BMPR1A: variants seen among roughly 807,000 people sequenced by gnomAD.
BMPR1A encodes the protein bone morphogenetic protein receptor type-1A.
Under a neutral mutation model 66.0 loss-of-function variants are expected in BMPR1A, and 7 were observed. That is an observed-to-expected ratio of 0.11 (90% CI 0.06 to 0.20). The LOEUF is 0.20. Among genes scored for constraint, BMPR1A ranks in the 10% least tolerant of loss-of-function variants. The pLI is 1.00. For missense variants in BMPR1A, 408 were observed against 669.1 expected (o/e 0.61, Z 4.31); for synonymous variants, 200 against 229.7 (o/e 0.87, Z 1.17).
chr10:86,771,069 A>ATACTATTT (rs1286715454), intron 1 of BMPR1A, among the ~76,000 whole-genome samples: 1 of 152,204 alleles, frequency 6.6e-6, no homozygotes, highest in Admixed American at 6.5e-5. Flanking sequence ...CTGATTCTCA[A>ATACTATTT]TACTATTTTA....
rs1024357730 is a variant in BMPR1A at position 86,822,824 on chromosome 10, T to G, written c.-267-16041T>G. Among the ~76,000 whole-genome samples, 8 of 151,910 alleles carry G rather than the reference T, an allele frequency of 5.3e-5. 1 individual carries two copies. Among genetic ancestry groups the G allele is most frequent in the Admixed American group, 5.3e-4 (8 of 15,232 alleles). On this transcript the variant is annotated intron_variant, in intron 1 of 12. Transcript: ENST00000372037. Reference sequence around the variant, plus strand: ...TTTGTATTTTTAGTAGAGATGGAGTTTCACCATGTTGGCCAGGCTGGTCTC... The same window carrying G: ...TTTGTATTTTTAGTAGAGATGGAGTGTCACCATGTTGGCCAGGCTGGTCTC...
At chr10:86,759,363 A>G (rs1212368897) in intron 1 of BMPR1A, among the ~76,000 whole-genome samples, 1 of 152,154 alleles carries the variant, frequency 6.6e-6, no homozygotes, top group Admixed American at 6.5e-5. Flanking sequence ...CTGTTGGAAT[A>G]ATTCTCAATT....
intron 1 of BMPR1A, among the ~76,000 whole-genome samples, chr10:86,801,695 C>T: frequency 6.6e-6 from 1 of 151,926 alleles, no homozygotes; most frequent in East Asian, 1.9e-4. Context: ...CCTTCACCTT[C>T]TTTCAACTGT....
At chr10:86,830,512 A>AT (rs1222719148) in intron 1 of BMPR1A, among the ~76,000 whole-genome samples, 8 of 151,986 alleles carry the variant, frequency 5.3e-5, no homozygotes, top group Non-Finnish European at 8.8e-5. Flanking sequence ...TGTTGTCACT[A>AT]TTTTTTTATT....
downstream of BMPR1A, chr10:86,931,488 C>T (rs1292843659): frequency 1.3e-5 from 2 of 150,906 alleles, no homozygotes; most frequent in Admixed American, 6.6e-5. Flanking sequence ...AAGACCTACA[C>T]TGCTGTGGGA....
intron 5 of BMPR1A, among the ~76,000 whole-genome samples, chr10:86,899,490 C>T (rs1843274448): frequency 6.6e-6 from 1 of 152,202 alleles, no homozygotes; most frequent in Admixed American, 6.5e-5. Context: ...TCATCCACAT[C>T]TCAGTACCAC....
At chr10:86,882,269 G>T (rs1377176271) in intron 3 of BMPR1A, among the ~76,000 whole-genome samples, 1 of 150,952 alleles carries the variant, frequency 6.6e-6, no homozygotes, top group Non-Finnish European at 1.5e-5. Flanking sequence ...CTAAAAATAC[G>T]AAAATTAGCC....
intron 7 of BMPR1A, among the ~76,000 whole-genome samples, chr10:86,905,891 A>G (rs1234336411): frequency 6.6e-6 from 1 of 152,144 alleles, no homozygotes; most frequent in East Asian, 1.9e-4. Context: ...GAAGCTGCCA[A>G]TCAGCTTTTA....
At chr10:86,847,020 A>G (rs1842495089) in intron 2 of BMPR1A, among the ~76,000 whole-genome samples, 1 of 151,604 alleles carries the variant, frequency 6.6e-6, no homozygotes, top group African/African-American at 2.4e-5. Context: ...GCTCTCTGCT[A>G]ATTTTTGTAT....
At chr10:86,768,402 G>A (rs1000055855) in intron 1 of BMPR1A, among the ~76,000 whole-genome samples, 2 of 151,744 alleles carry the variant, frequency 1.3e-5, no homozygotes, top group South Asian at 2.1e-4. Flanking sequence ...TGTTCCTATC[G>A]TAGTAATGCT....
intron 1 of BMPR1A, among the ~76,000 whole-genome samples, chr10:86,799,498 CTTCCTTCCTTTCT>C (rs751974488): frequency 0.065 from 7,436 of 114,812 alleles, 225 homozygotes; most frequent in East Asian, 0.13. Context: ...TCCTTCCTTC[CTTCCTTCCTTTCT>C]TTTCTTTTCT....
intron 2 of BMPR1A, among the ~76,000 whole-genome samples, chr10:86,860,769 CAA>C (rs772036957): frequency 1.9e-4 from 15 of 79,690 alleles, no homozygotes; most frequent in Admixed American, 5.4e-4. Flanking sequence ...GACTCCATAT[CAA>C]AAAAAAAAAA....
chr10:86,803,004 C>CAAAAAA (rs59957238), intron 1 of BMPR1A, among the ~76,000 whole-genome samples: 6 of 75,948 alleles, frequency 7.9e-5, no homozygotes, highest in Non-Finnish European at 1.3e-4. Flanking sequence ...GACCCGGTCT[C>CAAAAAA]AAAAAAAAAA....
chr10:86,810,056 C>T (rs1007253461), intron 1 of BMPR1A, among the ~76,000 whole-genome samples: 6 of 151,938 alleles, frequency 3.9e-5, no homozygotes, highest in Non-Finnish European at 2.9e-5. Flanking sequence ...CTGCAACCTC[C>T]GCCTCCCGGG....
rs1310807915 is a variant in BMPR1A at position 86,899,824 on chromosome 10, A to G, written c.364A>G (p.Ile122Val). 1 of 1,614,058 alleles carries G rather than the reference A, an allele frequency of 6.2e-7. No individual in the cohort carries two copies. The highest frequency in any genetic ancestry group is 1.3e-5 in the African/African-American group (1 of 74,936). Residue 122 changes from isoleucine to valine, a missense_variant, in exon 6 of 13, where the codon ATA becomes GTA. Physicochemically the swap from Ile to Val is conservative, Grantham distance 29. Coordinates refer to ENST00000372037, the MANE Select transcript of BMPR1A (RefSeq NM_004329.3). ...TCCAAAAGCCCAGCTACGCCGGACA[A>G]TAGAATGTTGTCGGACCAATTTATG... ...DSPKAQLRRTIECCRTNLCNQ... is the reference protein window; with the variant it reads ...DSPKAQLRRTVECCRTNLCNQ...
chr10:86,923,786 T>G lies in BMPR1A; in HGVS notation c.*67T>G, dbSNP rs560698193. On this transcript the variant is annotated 3_prime_UTR_variant, in exon 13 of 13. Coordinates refer to ENST00000372037, the MANE Select transcript of BMPR1A (RefSeq NM_004329.3). Reference sequence around the variant, plus strand: ...GTTTTTACCCATGGCATGGGTGGAATTAGAGTGGAATAAGGATGTTAACTT... The same window carrying G: ...GTTTTTACCCATGGCATGGGTGGAAGTAGAGTGGAATAAGGATGTTAACTT... 1.2e-4 allele frequency: 182 copies of G among 1,573,066 alleles called. No individual in the cohort carries two copies. The highest frequency in any genetic ancestry group is 1.5e-4 in the Non-Finnish European group (174 of 1,145,070).
At chr10:86,811,130 C>T (rs1312654682) in intron 1 of BMPR1A, among the ~76,000 whole-genome samples, 1 of 152,158 alleles carries the variant, frequency 6.6e-6, no homozygotes, top group Non-Finnish European at 1.5e-5. Flanking sequence ...CATCTGGCTC[C>T]CGGGTTCAAG....
chr10:86,860,640 T>C (rs1037809006), intron 2 of BMPR1A, among the ~76,000 whole-genome samples: 2 of 151,618 alleles, frequency 1.3e-5, no homozygotes, highest in Middle Eastern at 3.2e-3. Context: ...TGTGGTGGCA[T>C]GTGCCTGTAG....
At chr10:86,797,063 CTTTTCTTTTT>C (rs1564688085) in intron 1 of BMPR1A, among the ~76,000 whole-genome samples, 1 of 113,976 alleles carries the variant, frequency 8.8e-6, no homozygotes, top group Non-Finnish European at 1.8e-5. Flanking sequence ...TTTTTCTTTT[CTTTTCTTTTT>C]TTTTTTTTTT....
Sources: allele counts gnomAD v4.1 joint callset (sites outside exome capture counted in the v4.1 genomes callset), GRCh38; gene constraint gnomAD v4.1.1; transcripts MANE v1.5; gene names NCBI Gene and HGNC (gene_info 2026-07-23, HGNC 2026-07-21).